YWHAE: variants seen among roughly 807,000 people sequenced by gnomAD.
YWHAE encodes the protein tyrosine 3-monooxygenase/tryptophan 5-monooxygenase activation protein epsilon, also known as 14-3-3 protein epsilon.
A neutral mutation model predicts 30.1 loss-of-function variants in YWHAE; 4 were observed. The observed-to-expected ratio is 0.13, with a 90% CI of 0.07 to 0.30. YWHAE has a LOEUF of 0.30. Among genes scored for constraint, YWHAE ranks in the 10% least tolerant of loss-of-function variants. The pLI is 1.00. For missense variants in YWHAE, 121 were observed against 315.9 expected (o/e 0.38, Z 4.68); for synonymous variants, 118 against 111.8 (o/e 1.06, Z -0.35).
Position 1,355,168 on chromosome 17 carries a change from TTTTTG to T in YWHAE, c.579-826_579-822del, listed in dbSNP as rs1458759870. Among the ~76,000 whole-genome samples, 66 of 46,692 alleles carry T rather than the reference TTTTTG, an allele frequency of 1.4e-3. 2 individuals carry two copies. The highest frequency in any genetic ancestry group is 2.3e-3 in the African/African-American group (26 of 11,420). The allele number at this position is 46,692 out of a possible 152,430, so 30.6% of individuals were successfully genotyped here. On this transcript the variant is annotated intron_variant, in intron 4 of 5. Coordinates refer to ENST00000264335, the MANE Select transcript of YWHAE (RefSeq NM_006761.5). ...AAAAAATTTTTTTTTTTTTTTTTTTTTTTTGGGGGACGGGGTCTCGCTCTATCACC... is the reference window on the plus strand; with the variant it reads ...AAAAAATTTTTTTTTTTTTTTTTTTTGGGGACGGGGTCTCGCTCTATCACC...
chr17:1,350,614 G>T (rs538974574), intron 5 of YWHAE, among the ~76,000 whole-genome samples: 9 of 151,338 alleles, frequency 5.9e-5, no homozygotes, highest in African/African-American at 1.9e-4. Context: ...GCTAATTTTT[G>T]TATTTGTAGT....
intron 4 of YWHAE, among the ~76,000 whole-genome samples, chr17:1,360,794 T>C (rs1007658865): frequency 6.6e-6 from 1 of 152,062 alleles, no homozygotes; most frequent in Non-Finnish European, 1.5e-5. Flanking sequence ...AAAACTAATA[T>C]AACAAAAATT....
intron 5 of YWHAE, among the ~76,000 whole-genome samples, chr17:1,345,711 G>GA (rs1413612159): frequency 3.3e-5 from 5 of 152,030 alleles, no homozygotes; most frequent in Admixed American, 3.3e-4. Flanking sequence ...TCAACAGAAT[G>GA]AAAAAAACTG....
At chr17:1,388,368 G>C (rs1366125173) in intron 1 of YWHAE, among the ~76,000 whole-genome samples, 1 of 151,352 alleles carries the variant, frequency 6.6e-6, no homozygotes, top group African/African-American at 2.4e-5. Flanking sequence ...TACAAAAAAT[G>C]AGCCGGGCGT....
At position 1,344,967 on chromosome 17, in the gene YWHAE, T is replaced by G; in HGVS notation, c.*480A>C. On this transcript the variant is annotated 3_prime_UTR_variant, in exon 6 of 6. Transcript: ENST00000264335. ...TCCCTCCCCAAACCACCTTTAACCA[T>G]CTCAAGCTAACACCCAATTACTTGC... 8.5e-6 allele frequency: 2 copies of G among 235,256 alleles called. No individual in the cohort carries two copies. The highest frequency in any genetic ancestry group is 1.7e-5 in the Non-Finnish European group (2 of 118,714). 14.6% of individuals were successfully genotyped at this position (235,256 alleles called of 1,614,324 possible). A position where few individuals can be genotyped will look rare whatever the true frequency, so the allele number is the denominator to read the frequency against.
At chr17:1,359,928 G>GGGGA (rs2072832577) in intron 4 of YWHAE, among the ~76,000 whole-genome samples, 1 of 53,426 alleles carries the variant, frequency 1.9e-5, no homozygotes, top group African/African-American at 1.2e-4. Context: ...GGAGGGGGAG[G>GGGGA]GGGGGAGGAG....
intron 4 of YWHAE, among the ~76,000 whole-genome samples, chr17:1,357,615 T>C (rs2072774391): frequency 6.6e-6 from 1 of 151,444 alleles, no homozygotes; most frequent in African/African-American, 2.4e-5. Context: ...ATTTTGCTAC[T>C]GCAATATTTA....
In YWHAE at chr17:1,366,209, T is replaced by C. The variant is rs374211665; in HGVS notation, c.65-1151A>G. 3.5e-5 allele frequency among the ~76,000 whole-genome samples: 4 copies of C among 113,880 alleles called. No homozygotes were observed. In the East Asian group the frequency reaches 6.3e-4, roughly 18 times the overall value. The allele number at this position is 113,880 out of a possible 152,430, so 74.7% of individuals were successfully genotyped here. ...CCAGCCCAGCAACAGAGACTCCACCTCAAAAAAAAAAAAATAGAATAAATA... is the reference window on the plus strand; with the variant it reads ...CCAGCCCAGCAACAGAGACTCCACCCCAAAAAAAAAAAAATAGAATAAATA... On this transcript the variant is annotated intron_variant, in intron 1 of 5. Coordinates refer to ENST00000264335, the MANE Select transcript of YWHAE (RefSeq NM_006761.5).
intron 1 of YWHAE, chr17:1,369,849 G>C (rs1383359052): frequency 6.7e-6 from 1 of 149,050 alleles, no homozygotes; most frequent in African/African-American, 2.5e-5. Flanking sequence ...GTGTACAACA[G>C]CATTATGTCT....
intron 1 of YWHAE, chr17:1,369,723 C>A (rs887902276): frequency 6.6e-6 from 1 of 152,006 alleles, no homozygotes; most frequent in South Asian, 2.1e-4. Context: ...GAAGATACTG[C>A]GGGTTCAGTT....
chr17:1,370,321 C>CG (rs1281468299), intron 1 of YWHAE, among the ~76,000 whole-genome samples: 4 of 151,424 alleles, frequency 2.6e-5, no homozygotes, highest in Admixed American at 6.6e-5. Flanking sequence ...TTAGTAGAGG[C>CG]GGGGTTTCAC....
intron 5 of YWHAE, chr17:1,352,125 T>C (rs1014124027): frequency 1.6e-4 from 24 of 152,086 alleles, no homozygotes; most frequent in African/African-American, 5.6e-4. Context: ...TCACAGTTGG[T>C]AAATTATTTC....
chr17:1,360,104 A>G (rs1014541646), intron 4 of YWHAE, among the ~76,000 whole-genome samples: 5 of 152,050 alleles, frequency 3.3e-5, no homozygotes, highest in African/African-American at 4.8e-5. Context: ...CTGGGATTGC[A>G]GGCATGCACC....
intron 1 of YWHAE, chr17:1,399,109 C>T (rs2150883994): frequency 6.6e-6 from 1 of 152,222 alleles, no homozygotes; most frequent in Non-Finnish European, 1.5e-5. Context: ...TGCGCACAAA[C>T]TGTAAAGTCA....
chr17:1,358,806 GCCA>G (rs2072804166), intron 4 of YWHAE, among the ~76,000 whole-genome samples: 1 of 138,070 alleles, frequency 7.2e-6, no homozygotes, highest in Non-Finnish European at 1.5e-5. Context: ...CTCCAGCCTG[GCCA>G]GCAGAGCGAG....
chr17:1,381,647 G>A (rs1339960229), intron 1 of YWHAE, among the ~76,000 whole-genome samples: 3 of 152,072 alleles, frequency 2.0e-5, no homozygotes, highest in East Asian at 1.9e-4. Flanking sequence ...CGAGCGCAAA[G>A]GCTCAGGCCT....
intron 1 of YWHAE, chr17:1,399,839 T>G: frequency 1.7e-6 from 1 of 571,528 alleles, no homozygotes; most frequent in Non-Finnish European, 3.1e-6. Flanking sequence ...CGCGAGTTGT[T>G]TGCAGTTAAG....
At chr17:1,378,188 T>C (rs1000512681) in intron 1 of YWHAE, among the ~76,000 whole-genome samples, 2 of 152,250 alleles carry the variant, frequency 1.3e-5, no homozygotes, top group Admixed American at 6.5e-5. Context: ...ACAGAAAATG[T>C]ATGCCTAGAT....
At chr17:1,376,033 C>A (rs2073116717) in intron 1 of YWHAE, among the ~76,000 whole-genome samples, 1 of 152,212 alleles carries the variant, frequency 6.6e-6, no homozygotes, top group Admixed American at 6.5e-5. Flanking sequence ...AGTATTATCC[C>A]ATTTTAGAAT....
Sources: allele counts gnomAD v4.1 joint callset (sites outside exome capture counted in the v4.1 genomes callset), GRCh38; gene constraint gnomAD v4.1.1; transcripts MANE v1.5; gene names NCBI Gene and HGNC (gene_info 2026-07-23, HGNC 2026-07-21).